Variants in IRS2 observed in about 807,000 individuals in gnomAD.
IRS2 encodes the protein insulin receptor substrate 2.
IRS2 carries 28 observed loss-of-function variants against 70.9 expected under a neutral mutation model. That is an observed-to-expected ratio of 0.39 (90% CI 0.29 to 0.54). IRS2 has a LOEUF of 0.54. Among genes scored for constraint, IRS2 ranks in the 20% least tolerant of loss-of-function variants. The probability of loss-of-function intolerance (pLI) is 0.59; values close to 1 mark genes in which losing one functional copy is unlikely to be tolerated. For missense variants in IRS2, 2,081 were observed against 2,024.1 expected (o/e 1.03, Z -0.54); for synonymous variants, 1,217 against 981.9 (o/e 1.24, Z -4.48).
intron 1 of IRS2, among the ~76,000 whole-genome samples, chr13:109,781,067 C>T (rs1374669451): frequency 1.3e-5 from 2 of 152,180 alleles, no homozygotes; most frequent in Non-Finnish European, 2.9e-5. Flanking sequence ...GATTGTAAAT[C>T]CTGGCTGCAC....
chr13:109,785,868 C>T lies in IRS2; in HGVS notation c.186G>A (p.Ala62=), dbSNP rs764751752. 8.5e-5 allele frequency: 128 copies of T among 1,510,500 alleles called. 3 individuals carry two copies. In the Middle Eastern group the frequency reaches 3.0e-3, roughly 35 times the overall value. 93.6% of individuals were successfully genotyped at this position (1,510,500 alleles called of 1,614,324 possible). A position where few individuals can be genotyped will look rare whatever the true frequency, so the allele number is the denominator to read the frequency against. The change falls in exon 1 of 2, where the codon GCG becomes GCA. Residue 62 remains alanine (A), a synonymous_variant. Transcript: ENST00000375856. This position sits in a 1 kb window ranked among gnomAD's most constrained non-coding sequence, Gnocchi z 9.3. ...GPGAGGDEAT[A]GGGSAPQPPR... is the part of the protein sequence containing the mutation. Reference sequence around the variant, plus strand: ...GCGGTTGCGGCGCCGACCCCCCGCCCGCCGTCGCCTCGTCGCCGCCCGCGC... The same window carrying T: ...GCGGTTGCGGCGCCGACCCCCCGCCTGCCGTCGCCTCGTCGCCGCCCGCGC...
At chr13:109,770,768 A>G (rs953991119) in intron 1 of IRS2, among the ~76,000 whole-genome samples, 4 of 152,210 alleles carry the variant, frequency 2.6e-5, no homozygotes, top group Non-Finnish European at 5.9e-5. Context: ...TTTCTTCTGC[A>G]TCTCCCAGGA....
Position 109,781,345 on chromosome 13 carries a change from T to C in IRS2, c.4012+697A>G, listed in dbSNP as rs188238722. Among the ~76,000 whole-genome samples the C allele has an allele frequency of 2.1e-3, 327 of 152,278 alleles. 1 individual carries two copies. Among genetic ancestry groups the C allele is most frequent in the African/African-American group, 7.6e-3 (315 of 41,544 alleles). ...GGGGTTAACACAGGCCAGAGATCCATGTTTCAGCAAAGCCTCCAGGTAACT... is the reference window on the plus strand; with the variant it reads ...GGGGTTAACACAGGCCAGAGATCCACGTTTCAGCAAAGCCTCCAGGTAACT... On this transcript the variant is annotated intron_variant, in intron 1 of 1. Transcript: ENST00000375856.
At chr13:109,766,026 C>T (rs1386096159) in intron 1 of IRS2, among the ~76,000 whole-genome samples, 3 of 28,872 alleles carry the variant, frequency 1.0e-4, no homozygotes, top group African/African-American at 1.5e-4. Flanking sequence ...CTCATCCACC[C>T]TGGCTCCGAC....
chr13:109,784,469 G>C lies in IRS2; in HGVS notation c.1585C>G (p.Pro529Ala). ...CCGCCGCCGCCGCCGTCTCGGGCCG[G>C]GGGCGTCTCCGCGATGGACTCGGGC... Reference protein sequence around the residue: ...NTPESIAETPPARDGGGGGEF... With the variant: ...NTPESIAETPAARDGGGGGEF... The change falls in exon 1 of 2, where the codon CCG becomes GCG. Residue 529 changes from proline (P) to alanine (A), a missense_variant. By Grantham distance (27) the Pro-to-Ala change is conservative. This residue lies in a region of IRS2 where 1,615 missense variants were observed against 1,459.5 expected (regional missense o/e 1.11). Coordinates refer to ENST00000375856, the MANE Select transcript of IRS2 (RefSeq NM_003749.3). This position sits in a 1 kb window ranked among gnomAD's most constrained non-coding sequence, Gnocchi z 5.2. The C allele has an allele frequency of 1.3e-6, 2 of 1,582,312 alleles. No homozygotes were observed. Among genetic ancestry groups the C allele is most frequent in the Non-Finnish European group, 1.7e-6 (2 of 1,161,650 alleles).
rs573844738 is a variant in IRS2, at chr13:109,754,306, T to C, written c.*1998A>G. ...CAGGATAGAGGAAAATTTAGCATATTATCATCTGTGTATTTTGCTTGTTTT... is the reference window on the plus strand; with the variant it reads ...CAGGATAGAGGAAAATTTAGCATATCATCATCTGTGTATTTTGCTTGTTTT... On this transcript the variant is annotated 3_prime_UTR_variant, in exon 2 of 2. Coordinates refer to ENST00000375856, the MANE Select transcript of IRS2 (RefSeq NM_003749.3). The C allele has an allele frequency of 8.9e-6, 2 of 224,766 alleles. No homozygotes were observed. The highest frequency in any genetic ancestry group is 1.8e-4 in the South Asian group (1 of 5,462). The allele number at this position is 224,766 out of a possible 1,614,324, so 13.9% of individuals were successfully genotyped here. A position where few individuals can be genotyped will look rare whatever the true frequency, so the allele number is the denominator to read the frequency against.
At position 109,783,357 on chromosome 13, in the gene IRS2, G is replaced by A. The variant is rs1196383959; in HGVS notation, c.2697C>T (p.Pro899=). 5.2e-6 allele frequency: 8 copies of A among 1,548,794 alleles called. No individual in the cohort carries two copies. In the African/African-American group the frequency reaches 8.5e-5, roughly 16 times the overall value. The part of the protein sequence containing the change: ...RPTRLSLEGL[P]SLPSMHEYPL... ...GGTACTCGTGCATGCTGGGCAGGCT[G>A]GGCAGCCCCTCCAGGGACAGGCGCG... The change falls in exon 1 of 2, where the codon CCC becomes CCT. Residue 899 remains proline, a synonymous_variant. Coordinates refer to ENST00000375856, the MANE Select transcript of IRS2 (RefSeq NM_003749.3).
In IRS2 at chr13:109,783,721, C is replaced by A; in HGVS notation, c.2333G>T (p.Gly778Val). Reference protein sequence around the residue: ...NVSPSDAVTTGTPPDFFSAAL... With the variant: ...NVSPSDAVTTVTPPDFFSAAL... ...TGCGGAGAAGAAGTCGGGCGGGGTG[C>A]CCGTGGTGACCGCGTCGCTGGGGGA... is the stretch of plus-strand genomic sequence containing the variant. The change falls in exon 1 of 2, where the codon GGC (glycine) becomes GTC (valine). Residue 778 changes from glycine (G) to valine (V), a missense_variant. This residue lies in a region of IRS2 where 1,615 missense variants were observed against 1,459.5 expected (regional missense o/e 1.11). Coordinates refer to ENST00000375856, the MANE Select transcript of IRS2 (RefSeq NM_003749.3). 1.3e-6 allele frequency: 2 copies of A among 1,575,784 alleles called. No homozygotes were observed. The highest frequency in any genetic ancestry group is 1.2e-5 in the South Asian group (1 of 86,654).
chr13:109,777,585 C>A (rs1167722739), intron 1 of IRS2, among the ~76,000 whole-genome samples: 1 of 152,130 alleles, frequency 6.6e-6, no homozygotes, highest in Non-Finnish European at 1.5e-5. Flanking sequence ...AATGACCACC[C>A]TCATTAAATC....
intron 1 of IRS2, among the ~76,000 whole-genome samples, chr13:109,780,463 T>A (rs544642142): frequency 6.6e-6 from 1 of 152,208 alleles, no homozygotes; most frequent in Non-Finnish European, 1.5e-5. Context: ...AGCACCACAC[T>A]CCTGATAATT....
Position 109,782,733 on chromosome 13 carries a change from C to T in IRS2, c.3321G>A (p.Arg1107=). The change falls in exon 1 of 2, where the codon AGG becomes AGA. Residue 1107 remains arginine (R), a synonymous_variant. Coordinates refer to ENST00000375856, the MANE Select transcript of IRS2 (RefSeq NM_003749.3). ...CCGACACCTGCTCCATGAGGCTCAG[C>T]CTCTTCACGCCCGACGTCGGGCTGG... ...RVASPTSGVK[R]LSLMEQVSGV... The T allele has an allele frequency of 6.3e-7, 1 of 1,597,168 alleles. No homozygotes were observed. Among genetic ancestry groups the T allele is most frequent in the South Asian group, 1.1e-5 (1 of 88,930 alleles).
At chr13:109,774,097 C>T (rs549127786) in intron 1 of IRS2, among the ~76,000 whole-genome samples, 24 of 152,150 alleles carry the variant, frequency 1.6e-4, no homozygotes, top group Admixed American at 4.6e-4. Context: ...ATATTTTTTT[C>T]GTATTGTCAC....
At position 109,782,811 on chromosome 13, in the gene IRS2, G is replaced by A; in HGVS notation, c.3243C>T (p.Ala1081=). The change falls in exon 1 of 2, where the codon GCC becomes GCT. Residue 1081 remains alanine, a synonymous_variant. Coordinates refer to ENST00000375856, the MANE Select transcript of IRS2 (RefSeq NM_003749.3). ...GGGCCGCGATAGGTTGCGGCGGGGTGGCGGCCACACCAAAAGCCATCTCGG... is the reference window on the plus strand; with the variant it reads ...GGGCCGCGATAGGTTGCGGCGGGGTAGCGGCCACACCAAAAGCCATCTCGG... ...DYTEMAFGVA[A]TPPQPIAAPP... 6.3e-7 allele frequency: 1 copy of A among 1,592,922 alleles called. No individual in the cohort carries two copies. The highest frequency in any genetic ancestry group is 1.3e-5 in the African/African-American group (1 of 74,792).
At chr13:109,771,170 A>AT (rs1431941665) in intron 1 of IRS2, among the ~76,000 whole-genome samples, 1 of 152,180 alleles carries the variant, frequency 6.6e-6, no homozygotes, top group Non-Finnish European at 1.5e-5. Flanking sequence ...TTTAGGAGAA[A>AT]TTCTCATTTA....
At position 109,754,564 on chromosome 13, in the gene IRS2, C is replaced by A. The variant is rs1046773778; in HGVS notation, c.*1740G>T. On this transcript the variant is annotated 3_prime_UTR_variant, in exon 2 of 2. Coordinates refer to ENST00000375856, the MANE Select transcript of IRS2 (RefSeq NM_003749.3). ...AAAGTATATCATACACTGAAATTGA[C>A]CTTCCAGCTAACATTATATGGCCTA... 9 of 198,586 alleles carry A rather than the reference C, an allele frequency of 4.5e-5. No homozygotes were observed. Among genetic ancestry groups the A allele is most frequent in the Non-Finnish European group, 8.3e-5 (8 of 96,044 alleles). 12.3% of individuals were successfully genotyped at this position (198,586 alleles called of 1,614,324 possible).
At position 109,782,893 on chromosome 13, in the gene IRS2, T is replaced by C; in HGVS notation, c.3161A>G (p.Gln1054Arg). Reference sequence around the variant, plus strand: ...CAACGATGAGGCGGCGCCCGGGCCCTGGGCGGTGGCAACGGCCGAGGCGGG... The same window carrying C: ...CAACGATGAGGCGGCGCCCGGGCCCCGGGCGGTGGCAACGGCCGAGGCGGG... Reference protein sequence around the residue: ...LPPASAVATAQGPGAASSLSS... With the variant: ...LPPASAVATARGPGAASSLSS... The change falls in exon 1 of 2, where the codon CAG becomes CGG. Residue 1054 changes from glutamine (Q) to arginine (R), a missense_variant. This residue lies in a region of IRS2 where 1,615 missense variants were observed against 1,459.5 expected (regional missense o/e 1.11). Coordinates refer to ENST00000375856, the MANE Select transcript of IRS2 (RefSeq NM_003749.3). The C allele has an allele frequency of 1.3e-6, 2 of 1,555,834 alleles. No homozygotes were observed. The highest frequency in any genetic ancestry group is 1.7e-6 in the Non-Finnish European group (2 of 1,150,534).
chr13:109,758,368 A>G (rs7982446), intron 1 of IRS2, among the ~76,000 whole-genome samples: 17,909 of 152,230 alleles, frequency 0.12, 1,905 homozygotes, highest in African/African-American at 0.28. Flanking sequence ...CAATTAGCTA[A>G]ATGTGGCTGA....
At position 109,784,370 on chromosome 13, in the gene IRS2, C is replaced by A; in HGVS notation, c.1684G>T (p.Asp562Tyr). 6.2e-7 allele frequency: 1 copy of A among 1,609,820 alleles called. No homozygotes were observed. Among genetic ancestry groups the A allele is most frequent in the Non-Finnish European group, 8.5e-7 (1 of 1,179,382 alleles). Reference protein sequence around the residue: ...CGRSYRRVSGDAAQDLDRGLR... With the variant: ...CGRSYRRVSGYAAQDLDRGLR... ...CCTCGGTCCAGGTCCTGGGCCGCGTCCCCCGAGACCCGGCGGTAGGAGCGG... is the reference window on the plus strand; with the variant it reads ...CCTCGGTCCAGGTCCTGGGCCGCGTACCCCGAGACCCGGCGGTAGGAGCGG... The change falls in exon 1 of 2, where the codon GAC (aspartate) becomes TAC (tyrosine). Residue 562 changes from aspartate to tyrosine, a missense_variant. Physicochemically the swap from Asp to Tyr is radical, Grantham distance 160. Around this residue, in one of 4 missense-constraint regions of IRS2, gnomAD observed 1,615 missense variants for 1,459.5 expected, o/e 1.11. Transcript: ENST00000375856. The surrounding 1 kb of genome is among the most constrained non-coding windows in gnomAD (Gnocchi z 5.2).
chr13:109,782,955 T>TGGCGGC lies in IRS2; in HGVS notation c.3093_3098dup (p.Pro1035_Pro1036dup). On this transcript the variant is annotated inframe_insertion, in exon 1 of 2. Coordinates refer to ENST00000375856, the MANE Select transcript of IRS2 (RefSeq NM_003749.3). ...ACAGCTCCCCCGGGGCCGGCGGCGG[T>TGGCGGC]GGCGGCGGCTGCAGAGACGACGACG... 7.0e-7 allele frequency: 1 copy of TGGCGGC among 1,423,486 alleles called. No homozygotes were observed. The highest frequency in any genetic ancestry group is 2.0e-4 in the Middle Eastern group (1 of 5,034). The allele number at this position is 1,423,486 out of a possible 1,614,324, so 88.2% of individuals were successfully genotyped here.
Sources: gnomAD v4.1 joint callset for allele counts (sites outside exome capture counted in the v4.1 genomes callset) on GRCh38, gnomAD v4.1.1 for gene constraint, gnomAD v4.1.1 regional missense constraint, Gnocchi (gnomAD v3.1) non-coding constraint, MANE v1.5 for transcripts, NCBI Gene and HGNC (gene_info 2026-07-23, HGNC 2026-07-21) for gene names.